Variants in OOSP3 observed in about 807,000 individuals in gnomAD.
The protein encoded by OOSP3 is oocyte-secreted protein 3.
chr11:59,895,177 A>G (rs1357798115), intron 3 of OOSP3, among the ~76,000 whole-genome samples: 4 of 152,152 alleles, frequency 2.6e-5, no homozygotes. Flanking sequence ...ACAACTTTTA[A>G]AACAGCCAGG....
intron 2 of OOSP3, among the ~76,000 whole-genome samples, chr11:59,886,525 T>C (rs1590873607): frequency 6.9e-6 from 1 of 144,206 alleles, no homozygotes; most frequent in African/African-American, 2.9e-5. Flanking sequence ...TTGTAAATCT[T>C]TGAGGAATCA....
chr11:59,879,535 A>G (rs146568687), intron 1 of OOSP3, among the ~76,000 whole-genome samples: 1 of 152,262 alleles, frequency 6.6e-6, no homozygotes, highest in East Asian at 1.9e-4. Flanking sequence ...CCATGAAAAT[A>G]CAGTGATGAA....
chr11:59,883,153 CTT>C (rs1853219668), intron 2 of OOSP3, among the ~76,000 whole-genome samples: 1 of 152,060 alleles, frequency 6.6e-6, no homozygotes, highest in African/African-American at 2.4e-5. Context: ...GATGGTGAGT[CTT>C]TGGCTGAATG....
At chr11:59,889,878 G>A (rs1022253361) in intron 2 of OOSP3, among the ~76,000 whole-genome samples, 4 of 152,140 alleles carry the variant, frequency 2.6e-5, no homozygotes, top group African/African-American at 9.7e-5. Context: ...TATTGACAGT[G>A]GGGTATTAAA....
intron 2 of OOSP3, among the ~76,000 whole-genome samples, chr11:59,882,117 C>T (rs1372761903): frequency 6.6e-6 from 1 of 151,986 alleles, no homozygotes; most frequent in African/African-American, 2.4e-5. Flanking sequence ...ATTACAAAGG[C>T]CAAAGAATTA....
chr11:59,887,110 GT>G (rs375297220), intron 2 of OOSP3, among the ~76,000 whole-genome samples: 6,113 of 145,200 alleles, frequency 0.042, 404 homozygotes, highest in African/African-American at 0.14. Flanking sequence ...CTTTTTAATG[GT>G]TTTTTTTTTG....
At chr11:59,887,994 T>C (rs141616325) in intron 2 of OOSP3, among the ~76,000 whole-genome samples, 39 of 152,292 alleles carry the variant, frequency 2.6e-4, no homozygotes, top group Middle Eastern at 3.4e-3. Context: ...TGATTTGTAG[T>C]TCTCCTTGAA....
chr11:59,888,742 A>G (rs1181682470), intron 2 of OOSP3, among the ~76,000 whole-genome samples: 1 of 152,200 alleles, frequency 6.6e-6, no homozygotes, highest in East Asian at 1.9e-4. Context: ...CATCAGGGAT[A>G]TTGGCCTGAA....
intron 2 of OOSP3, among the ~76,000 whole-genome samples, chr11:59,882,994 T>G (rs1853218059): frequency 6.6e-6 from 1 of 152,234 alleles, no homozygotes; most frequent in Admixed American, 6.5e-5. Context: ...GTTTTCATTT[T>G]TTGTTACTGC....
intron 2 of OOSP3, 141 bp downstream of exon 2, chr11:59,880,580 G>A: frequency 2.5e-6 from 1 of 395,360 alleles, no homozygotes; most frequent in Non-Finnish European, 4.5e-6. Context: ...GAAGACCAGT[G>A]GGTACCTTGA....
exon 5 of OOSP3, chr11:59,896,194 C>T: frequency 2.5e-6 from 1 of 398,410 alleles, no homozygotes; most frequent in Non-Finnish European, 4.4e-6. Flanking sequence ...CATGAGAGTG[C>T]AAATGTAGCT....
rs564664972 is a variant in OOSP3, at chr11:59,884,326, T to C, written c.252+3887T>C. Among the ~76,000 whole-genome samples the C allele has an allele frequency of 4.7e-4, 72 of 152,286 alleles. No homozygotes were observed. In the South Asian group the frequency reaches 0.014, roughly 29 times the overall value. On this transcript the variant is annotated intron_variant, in intron 2 of 4. Transcript: ENST00000646438. Reference sequence around the variant, plus strand: ...ATTGTTCATTGCTAGTGTACAGAAATAGAACTGATTTCTGTCGATTGATCT... The same window carrying C: ...ATTGTTCATTGCTAGTGTACAGAAACAGAACTGATTTCTGTCGATTGATCT...
intron 2 of OOSP3, among the ~76,000 whole-genome samples, chr11:59,887,157 G>A (rs113648268): frequency 0.028 from 4,205 of 147,826 alleles, 202 homozygotes; most frequent in African/African-American, 0.095. Context: ...TAAGTTCCTT[G>A]TAGATTCTGG....
intron 2 of OOSP3, among the ~76,000 whole-genome samples, chr11:59,883,231 G>A (rs1195825995): frequency 3.9e-5 from 6 of 152,062 alleles, no homozygotes; most frequent in Non-Finnish European, 1.5e-5. Context: ...TTCTTTCCTG[G>A]GAACAACTCT....
intron 2 of OOSP3, among the ~76,000 whole-genome samples, chr11:59,893,127 CT>C (rs1853327104): frequency 1.3e-5 from 2 of 152,094 alleles, no homozygotes; most frequent in Admixed American, 1.3e-4. Context: ...CTAAAATAAC[CT>C]TCAATAGCAA....
chr11:59,895,088 T>C (rs1041221176), intron 3 of OOSP3, among the ~76,000 whole-genome samples: 2 of 152,126 alleles, frequency 1.3e-5, no homozygotes, highest in African/African-American at 4.8e-5. Context: ...CCTATGACTT[T>C]TGGGGAAATC....
At chr11:59,884,025 C>A (rs1453253638) in intron 2 of OOSP3, among the ~76,000 whole-genome samples, 2 of 152,200 alleles carry the variant, frequency 1.3e-5, no homozygotes, top group Non-Finnish European at 2.9e-5. Flanking sequence ...ATTCTGGATT[C>A]ATATACAGGT....
At chr11:59,881,628 T>G (rs1280789982) in intron 2 of OOSP3, among the ~76,000 whole-genome samples, 1 of 151,996 alleles carries the variant, frequency 6.6e-6, no homozygotes, top group Non-Finnish European at 1.5e-5. Flanking sequence ...ACAAAAATAG[T>G]ATATTTTGGG....
intron 2 of OOSP3, among the ~76,000 whole-genome samples, chr11:59,887,668 G>A (rs1853275435): frequency 6.6e-6 from 1 of 152,124 alleles, no homozygotes; most frequent in Admixed American, 6.5e-5. Context: ...GTCTGTTTTT[G>A]CACCAGTACC....
Sources: gnomAD v4.1 joint callset for allele counts (sites outside exome capture counted in the v4.1 genomes callset) on GRCh38, gnomAD v4.1.1 for gene constraint, MANE v1.5 for transcripts, NCBI Gene and HGNC (gene_info 2026-07-23, HGNC 2026-07-21) for gene names.